NOTCH1: variants seen among roughly 807,000 people sequenced by gnomAD.
NOTCH1 encodes neurogenic locus notch homolog protein 1.
NOTCH1 carries 37 observed loss-of-function variants against 254.8 expected under a neutral mutation model. The ratio of observed to expected loss-of-function variants is 0.15; its 90% CI spans 0.11 to 0.19. NOTCH1 has a LOEUF of 0.19. Ranked by LOEUF, NOTCH1 falls within the 10% of genes least tolerant of loss-of-function variation. The probability of loss-of-function intolerance (pLI) is 1.00; values close to 1 mark genes in which losing one functional copy is unlikely to be tolerated. For missense variants in NOTCH1, 2,972 were observed against 3,708.6 expected (o/e 0.80, Z 5.16); for synonymous variants, 1,731 against 1,618.1 (o/e 1.07, Z -1.68).
At chr9:136,499,596 A>T (rs1393330768) in intron 31 of NOTCH1, among the ~76,000 whole-genome samples, 1 of 152,214 alleles carries the variant, frequency 6.6e-6, no homozygotes, top group Non-Finnish European at 1.5e-5. Context: ...CGGCGGTTAC[A>T]GCTGGCACTC....
At chr9:136,543,595 C>T in intron 2 of NOTCH1, 1 of 358,204 alleles carries the variant, frequency 2.8e-6, no homozygotes, top group African/African-American at 2.1e-5. Flanking sequence ...GAGGCATCAC[C>T]CCCGAGAGGA....
chr9:136,513,383 C>A lies in NOTCH1; in HGVS notation c.2353+9G>T. 1 of 1,612,762 alleles carries A rather than the reference C, an allele frequency of 6.2e-7. No homozygotes were observed. Among genetic ancestry groups the A allele is most frequent in the Non-Finnish European group, 8.5e-7 (1 of 1,180,002 alleles). On this transcript the variant is annotated intron_variant, in intron 14 of 33. Transcript: ENST00000651671. The surrounding 1 kb of genome is among the most constrained non-coding windows in gnomAD (Gnocchi z 4.7). The stretch of plus-strand genomic sequence containing the variant: ...GCCCTCTGCACTGAGAAACGCGCAG[C>A]CCACTCACCGCTGAAGCCCTCCCGG...
Position 136,529,204 on chromosome 9 carries a change from G to A in NOTCH1, c.141-5225C>T, listed in dbSNP as rs536235333. On this transcript the variant is annotated intron_variant, in intron 2 of 33. Transcript: ENST00000651671. ...CCATCGGCCTGCCCAAGCAAATGGG[G>A]CCATATGTGGACTGGCTGGGGGGAC... Among the ~76,000 whole-genome samples the A allele has an allele frequency of 2.6e-5, 4 of 152,362 alleles. No individual in the cohort carries two copies. In the East Asian group the frequency reaches 7.7e-4, roughly 29 times the overall value.
intron 2 of NOTCH1, among the ~76,000 whole-genome samples, chr9:136,531,256 G>A (rs768995211): frequency 1.3e-5 from 2 of 152,250 alleles, no homozygotes; most frequent in South Asian, 2.1e-4. Context: ...CCCTGGGGGC[G>A]TGTAATGGGC....
rs1376561044 is a variant in NOTCH1, at chr9:136,506,956, T to A, written c.3661A>T (p.Asn1221Tyr). Residue 1221 changes from asparagine (N) to tyrosine (Y), a missense_variant, in exon 23 of 34, where the codon AAC (asparagine) becomes TAC (tyrosine). Asn to Tyr is a moderately radical substitution (Grantham distance 143, BLOSUM62 -2). Coordinates refer to ENST00000651671, the MANE Select transcript of NOTCH1 (RefSeq NM_017617.5). This position sits in a 1 kb window ranked among gnomAD's most constrained non-coding sequence, Gnocchi z 4.5. ...RGTQGVHCEI[N>Y]VDDCNPPVDP... ...ACGGGGGGATTGCAGTCGTCCACGT[T>A]GATCTCACAGTGCACACCTGCGGGG... 1 of 1,608,740 alleles carries A rather than the reference T, an allele frequency of 6.2e-7. No homozygotes were observed. The highest frequency in any genetic ancestry group is 1.3e-5 in the African/African-American group (1 of 74,778).
In NOTCH1 at chr9:136,515,359, G is replaced by A. The variant is rs780710009; in HGVS notation, c.1945C>T (p.Pro649Ser). 6.2e-7 allele frequency: 1 copy of A among 1,613,060 alleles called. No homozygotes were observed. The highest frequency in any genetic ancestry group is 8.5e-7 in the Non-Finnish European group (1 of 1,179,994). Residue 649 changes from proline (P) to serine (S), a missense_variant, in exon 12 of 34, where the codon CCC (proline) becomes TCC (serine). Physicochemically the swap from Pro to Ser is moderately conservative, Grantham distance 74 (BLOSUM62 -1). Coordinates refer to ENST00000651671, the MANE Select transcript of NOTCH1 (RefSeq NM_017617.5). ...EINLDDCASS[P>S]CDSGTCLDKI... ...TCCAGACAGGTGCCCGAGTCGCAGGGGCTGCTGGCACAGTCATCCAGGTTG... is the reference window on the plus strand; with the variant it reads ...TCCAGACAGGTGCCCGAGTCGCAGGAGCTGCTGGCACAGTCATCCAGGTTG...
chr9:136,521,019 T>G (rs915468988), intron 4 of NOTCH1, among the ~76,000 whole-genome samples: 1 of 152,036 alleles, frequency 6.6e-6, no homozygotes, highest in Non-Finnish European at 1.5e-5. Context: ...TCCCAGCCAG[T>G]TCCCGGGCCT....
Position 136,513,293 on chromosome 9 carries a change from C to T in NOTCH1, c.2353+99G>A. ...AGGCTTTGCCACGGGAGGGAGACAC[C>T]ATGCATGGTGCTGGCTGGACCTGGG... On this transcript the variant is annotated intron_variant, in intron 14 of 33. Coordinates refer to ENST00000651671, the MANE Select transcript of NOTCH1 (RefSeq NM_017617.5). This position sits in a 1 kb window ranked among gnomAD's most constrained non-coding sequence, Gnocchi z 4.7. 1.9e-6 allele frequency: 3 copies of T among 1,569,606 alleles called. No individual in the cohort carries two copies. Among genetic ancestry groups the T allele is most frequent in the Non-Finnish European group, 2.6e-6 (3 of 1,146,364 alleles).
In NOTCH1 at chr9:136,505,016, G is replaced by T; in HGVS notation, c.4675C>A (p.Leu1559Met). 6.2e-7 allele frequency: 1 copy of T among 1,604,470 alleles called. No homozygotes were observed. Among genetic ancestry groups the T allele is most frequent in the Non-Finnish European group, 8.5e-7 (1 of 1,176,640 alleles). Residue 1559 changes from leucine to methionine, a missense_variant, in exon 26 of 34, where the codon CTG (leucine) becomes ATG (methionine). Leu to Met is a conservative substitution (Grantham distance 15). This residue lies in a region of NOTCH1 where 1,343 missense variants were observed against 1,557.0 expected (regional missense o/e 0.86). Coordinates refer to ENST00000651671, the MANE Select transcript of NOTCH1 (RefSeq NM_017617.5). Reference protein sequence around the residue: ...CNSAECEWDGLDCAEHVPERL... With the variant: ...CNSAECEWDGMDCAEHVPERL... The stretch of plus-strand genomic sequence containing the variant: ...TCGGGTACATGCTCCGCACAGTCCA[G>T]CCCGTCCCACTCGCACTCCGCGCTG...
chr9:136,498,825 C>A, intron 33 of NOTCH1, 74 bp downstream of exon 33: 1 of 1,544,074 alleles, frequency 6.5e-7, no homozygotes, highest in Admixed American at 1.7e-5. Context: ...GTCCCTGCGC[C>A]CCGTGGGTTT....
chr9:136,504,744 C>G lies in NOTCH1; in HGVS notation c.4947G>C (p.Lys1649Asn). 1 of 1,546,724 alleles carries G rather than the reference C, an allele frequency of 6.5e-7. No homozygotes were observed. The highest frequency in any genetic ancestry group is 1.2e-5 in the South Asian group (1 of 83,972). The part of the protein sequence containing the change: ...AAPDALLGQV[K>N]ASLLPGGSEG... ...CGCTGCCACCAGGGAGCAGCGAGGC[C>G]TTCACCTGGCCCAGCAGGGCGTCAG... The change falls in exon 26 of 34, where the codon AAG (lysine) becomes AAC (asparagine). Residue 1649 changes from lysine (K) to asparagine (N), a missense_variant. Coordinates refer to ENST00000651671, the MANE Select transcript of NOTCH1 (RefSeq NM_017617.5).
chr9:136,502,838 C>T (rs1019537568), intron 27 of NOTCH1: 12 of 572,340 alleles, frequency 2.1e-5, no homozygotes, highest in African/African-American at 1.1e-4. Flanking sequence ...CACATGACAC[C>T]GATCAATTCT....
intron 2 of NOTCH1, among the ~76,000 whole-genome samples, chr9:136,536,247 C>T (rs962777400): frequency 6.6e-6 from 1 of 152,196 alleles, no homozygotes; most frequent in Non-Finnish European, 1.5e-5. Context: ...GCCTCGCTGT[C>T]AAGGGCCACT....
chr9:136,504,223 GAC>G (rs1843042028), intron 26 of NOTCH1, among the ~76,000 whole-genome samples: 1 of 152,254 alleles, frequency 6.6e-6, no homozygotes, highest in African/African-American at 2.4e-5. Flanking sequence ...AAAAAACAGA[GAC>G]AAGGTCTCCC....
At chr9:136,531,985 A>T (rs56244381) in intron 2 of NOTCH1, among the ~76,000 whole-genome samples, 3,127 of 152,288 alleles carry the variant, frequency 0.021, 122 homozygotes, top group African/African-American at 0.069. Context: ...CCCAGCGCCC[A>T]GCCCGGCTCA....
chr9:136,530,045 G>A (rs1019444769), intron 2 of NOTCH1, among the ~76,000 whole-genome samples: 3 of 152,240 alleles, frequency 2.0e-5, no homozygotes, highest in Admixed American at 6.5e-5. Flanking sequence ...GGGCAGTGGG[G>A]GCTTCAGGGA....
At chr9:136,497,915 G>A (rs2133320022) in intron 33 of NOTCH1, among the ~76,000 whole-genome samples, 1 of 152,302 alleles carries the variant, frequency 6.6e-6, no homozygotes, top group South Asian at 2.1e-4. Flanking sequence ...TCCTGGAGCG[G>A]TTCAGAGGCA....
Position 136,505,362 on chromosome 9 carries a change from C to G in NOTCH1, c.4534G>C (p.Ala1512Pro), listed in dbSNP as rs2133338699. The change falls in exon 25 of 34, where the codon GCC becomes CCC. Residue 1512 changes from alanine to proline, a missense_variant. By Grantham distance (27) the Ala-to-Pro change is conservative. Around this residue, in one of 8 missense-constraint regions of NOTCH1, gnomAD observed 1,343 missense variants for 1,557.0 expected, o/e 0.86. Transcript: ENST00000651671. ...DGHCDSQCNS[A>P]GCLFDGFDCQ... ...TCAAAGCCGTCGAAGAGGCAGCCGG[C>G]TGAGTTGCACTGGCTGTCACAGTGG... 2 of 1,608,742 alleles carry G rather than the reference C, an allele frequency of 1.2e-6. No homozygotes were observed. Among genetic ancestry groups the G allele is most frequent in the South Asian group, 1.1e-5 (1 of 90,582 alleles).
At chr9:136,524,265 C>A (rs984615731) in intron 2 of NOTCH1, among the ~76,000 whole-genome samples, 1 of 152,202 alleles carries the variant, frequency 6.6e-6, no homozygotes, top group Non-Finnish European at 1.5e-5. Context: ...GAGATCACGC[C>A]ACTGCACTCC....
Sources: allele counts gnomAD v4.1 joint callset (sites outside exome capture counted in the v4.1 genomes callset), GRCh38; gene constraint gnomAD v4.1.1; regional missense constraint gnomAD v4.1.1; non-coding constraint Gnocchi (gnomAD v3.1); transcripts MANE v1.5; gene names NCBI Gene and HGNC (gene_info 2026-07-23, HGNC 2026-07-21).